Variants in TMEM170B observed in about 807,000 individuals in gnomAD.
TMEM170B encodes the protein transmembrane protein 170B.
Under a neutral mutation model 13.0 loss-of-function variants are expected in TMEM170B, and 6 were observed. The observed-to-expected ratio is 0.46, with a 90% CI of 0.25 to 0.91. The LOEUF (loss-of-function observed/expected upper bound fraction) is 0.91, where lower values mean the gene tolerates loss of function less well. Ranked by LOEUF, TMEM170B falls within the 40% of genes least tolerant of loss-of-function variation. TMEM170B has a pLI of 0.17. For synonymous variants in TMEM170B, 61 were observed against 64.9 expected, an observed-to-expected ratio of 0.94 and a Z score of 0.29; for missense variants, 138 against 165.2, an observed-to-expected ratio of 0.84 and a Z score of 0.90.
At chr6:11,557,524 TA>T (rs1199277040) in intron 1 of TMEM170B, among the ~76,000 whole-genome samples, 1 of 152,282 alleles carries the variant, frequency 6.6e-6, no homozygotes, top group East Asian at 1.9e-4. Context: ...GGAAATAAAA[TA>T]ATTTAAAAAA....
At chr6:11,573,616 C>T (rs1259075030) in intron 2 of TMEM170B, among the ~76,000 whole-genome samples, 1 of 152,162 alleles carries the variant, frequency 6.6e-6, no homozygotes, top group Non-Finnish European at 1.5e-5. Context: ...ATGCTCCTCA[C>T]CTTATGTAAG....
At chr6:11,560,309 T>C (rs1004319331) in intron 1 of TMEM170B, among the ~76,000 whole-genome samples, 14 of 149,334 alleles carry the variant, frequency 9.4e-5, no homozygotes, top group Admixed American at 8.1e-4. Context: ...GGACTACAGG[T>C]GCCCGCCACC....
intron 1 of TMEM170B, among the ~76,000 whole-genome samples, chr6:11,545,831 C>A (rs879617537): frequency 5.1e-5 from 6 of 117,570 alleles, no homozygotes; most frequent in Non-Finnish European, 8.7e-5. Flanking sequence ...CATGGTGAAA[C>A]CCTGTGTCTA....
chr6:11,541,885 A>G (rs963268207), intron 1 of TMEM170B, among the ~76,000 whole-genome samples: 4 of 152,170 alleles, frequency 2.6e-5, no homozygotes, highest in African/African-American at 7.2e-5. Context: ...GAGGAGAGGG[A>G]GAGAGACTGA....
At chr6:11,540,120 CTT>C (rs1356560737) in intron 1 of TMEM170B, among the ~76,000 whole-genome samples, 1 of 152,162 alleles carries the variant, frequency 6.6e-6, no homozygotes, top group African/African-American at 2.4e-5. Context: ...AGGGTCTTGT[CTT>C]TGTGTTGATG....
intron 1 of TMEM170B, among the ~76,000 whole-genome samples, chr6:11,560,007 C>T (rs1185844211): frequency 6.6e-6 from 1 of 151,714 alleles, no homozygotes; most frequent in African/African-American, 2.4e-5. Context: ...GTTTTAATGA[C>T]TTTCGGAGTT....
chr6:11,567,814 C>T (rs1231252061), intron 2 of TMEM170B, among the ~76,000 whole-genome samples: 1 of 152,094 alleles, frequency 6.6e-6, no homozygotes. Context: ...TAGAACCGAG[C>T]CAGATTCCAG....
rs751950172 is a variant in TMEM170B, at chr6:11,582,636, A to G, written c.*7075A>G. On this transcript the variant is annotated 3_prime_UTR_variant, in exon 3 of 3. Coordinates refer to ENST00000379426, the MANE Select transcript of TMEM170B (RefSeq NM_001100829.3). ...AATTTAGTTTTGTTGTAAACTAGAG[A>G]TTCTAGTGAACAGTGTTAGTTTTAT... The G allele has an allele frequency of 3.9e-5, 6 of 151,994 alleles. No homozygotes were observed. Among genetic ancestry groups the G allele is most frequent in the Non-Finnish European group, 2.9e-5 (2 of 68,022 alleles). The allele number at this position is 151,994 out of a possible 1,614,324, so 9.4% of individuals were successfully genotyped here.
At chr6:11,542,834 A>G (rs1759380052) in intron 1 of TMEM170B, among the ~76,000 whole-genome samples, 1 of 152,184 alleles carries the variant, frequency 6.6e-6, no homozygotes, top group South Asian at 2.1e-4. Flanking sequence ...AACATCTGTC[A>G]TTTGTTGAAT....
At chr6:11,570,911 A>G (rs1188130821) in intron 2 of TMEM170B, among the ~76,000 whole-genome samples, 1 of 152,222 alleles carries the variant, frequency 6.6e-6, no homozygotes, top group Non-Finnish European at 1.5e-5. Flanking sequence ...TATAATTTTC[A>G]TGTATCATGA....
intron 1 of TMEM170B, among the ~76,000 whole-genome samples, chr6:11,548,290 G>T (rs6908807): frequency 6.6e-6 from 1 of 152,064 alleles, no homozygotes; most frequent in African/African-American, 2.4e-5. Context: ...CTTCTCAGAA[G>T]AAGACATTTA....
chr6:11,568,441 A>G (rs111360459), intron 2 of TMEM170B, among the ~76,000 whole-genome samples: 1 of 143,022 alleles, frequency 7.0e-6, no homozygotes. Flanking sequence ...ATATATATAT[A>G]TGTATTTATT....
chr6:11,575,441 A>G lies in TMEM170B; in HGVS notation c.279A>G (p.Val93=). The G allele has an allele frequency of 6.2e-7, 1 of 1,613,440 alleles. No individual in the cohort carries two copies. The highest frequency in any genetic ancestry group is 8.5e-7 in the Non-Finnish European group (1 of 1,179,528). The part of the protein sequence containing the change: ...VTGAMITSAA[V]AGIYRVAGKN... ...CCCGTTTCTCCTTAGGTGCAGCAGT[A>G]GCGGGCATTTACAGAGTAGCTGGGA... is the stretch of plus-strand genomic sequence containing the variant. Residue 93 remains valine (V), a synonymous_variant, in exon 3 of 3, where the codon GTA becomes GTG. Transcript: ENST00000379426. This position sits in a 1 kb window ranked among gnomAD's most constrained non-coding sequence, Gnocchi z 4.1.
rs1435374348 is a variant in TMEM170B at position 11,580,960 on chromosome 6, C to G, written c.*5399C>G. On this transcript the variant is annotated 3_prime_UTR_variant, in exon 3 of 3. Coordinates refer to ENST00000379426, the MANE Select transcript of TMEM170B (RefSeq NM_001100829.3). ...GTTTGCTCTTCTCACTTAAGGAGCTCTGGTCTGTGTAGGCAGTACAGTGTT... is the reference window on the plus strand; with the variant it reads ...GTTTGCTCTTCTCACTTAAGGAGCTGTGGTCTGTGTAGGCAGTACAGTGTT... The G allele has an allele frequency of 1.3e-5, 2 of 152,086 alleles. No homozygotes were observed. The highest frequency in any genetic ancestry group is 6.5e-5 in the Admixed American group (1 of 15,272). 9.4% of individuals were successfully genotyped at this position (152,086 alleles called of 1,614,324 possible).
Position 11,582,188 on chromosome 6 carries a change from A to T in TMEM170B, c.*6627A>T, listed in dbSNP as rs1759966258. On this transcript the variant is annotated 3_prime_UTR_variant, in exon 3 of 3. Transcript: ENST00000379426. ...AACTAGCTAAAATGTCTTTATTTAA[A>T]TAGCAAAAATATAGTTTACCTGACA... is the stretch of plus-strand genomic sequence containing the variant. 1.3e-5 allele frequency: 2 copies of T among 152,252 alleles called. No homozygotes were observed. Among genetic ancestry groups the T allele is most frequent in the Admixed American group, 1.3e-4 (2 of 15,284 alleles). The allele number at this position is 152,252 out of a possible 1,614,324, so 9.4% of individuals were successfully genotyped here. A position where few individuals can be genotyped will look rare whatever the true frequency, so the allele number is the denominator to read the frequency against.
In TMEM170B at chr6:11,557,371, G is replaced by A. The variant is rs529357386; in HGVS notation, c.98-8295G>A. On this transcript the variant is annotated intron_variant, in intron 1 of 2. Transcript: ENST00000379426. Reference sequence around the variant, plus strand: ...AATCATGCATTTAGGAAAAAATTGGGGACACTACAAACCTGAAATGAATGC... The same window carrying A: ...AATCATGCATTTAGGAAAAAATTGGAGACACTACAAACCTGAAATGAATGC... Among the ~76,000 whole-genome samples the A allele has an allele frequency of 9.2e-5, 14 of 152,092 alleles. No homozygotes were observed. The South Asian group carries it at 2.9e-3, about 32-fold the overall frequency.
chr6:11,542,428 A>ACTTGCCAGTTGCTCATTGGAC (rs1759374067), intron 1 of TMEM170B, among the ~76,000 whole-genome samples: 1 of 152,172 alleles, frequency 6.6e-6, no homozygotes, highest in South Asian at 2.1e-4. Flanking sequence ...TGATCTTAAT[A>ACTTGCCAGTTGCTCATTGGAC]CTTGCCAGTT....
chr6:11,581,126 C>G lies in TMEM170B; in HGVS notation c.*5565C>G. On this transcript the variant is annotated 3_prime_UTR_variant, in exon 3 of 3. Coordinates refer to ENST00000379426, the MANE Select transcript of TMEM170B (RefSeq NM_001100829.3). ...TAGTGGAAACACATTTCTGAGTGAACTGAGCTATGAACTATAATCATCTCT... is the reference window on the plus strand; with the variant it reads ...TAGTGGAAACACATTTCTGAGTGAAGTGAGCTATGAACTATAATCATCTCT... 6.6e-6 allele frequency: 1 copy of G among 152,188 alleles called. No individual in the cohort carries two copies. Among genetic ancestry groups the G allele is most frequent in the East Asian group, 1.9e-4 (1 of 5,202 alleles). The allele number at this position is 152,188 out of a possible 1,614,324, so 9.4% of individuals were successfully genotyped here.
chr6:11,566,284 T>C (rs1481334386), intron 2 of TMEM170B, among the ~76,000 whole-genome samples: 1 of 152,192 alleles, frequency 6.6e-6, no homozygotes, highest in African/African-American at 2.4e-5. Flanking sequence ...TATATACACA[T>C]TATTATGGCC....
Sources: gnomAD v4.1 joint callset for allele counts (sites outside exome capture counted in the v4.1 genomes callset) on GRCh38, gnomAD v4.1.1 for gene constraint, Gnocchi (gnomAD v3.1) non-coding constraint, MANE v1.5 for transcripts, NCBI Gene and HGNC (gene_info 2026-07-23, HGNC 2026-07-21) for gene names.